Variants in RALGAPA2 observed in about 807,000 individuals in gnomAD.
RALGAPA2 encodes Ral GTPase activating protein catalytic subunit alpha 2.
In RALGAPA2, 139 loss-of-function variants were observed where a neutral mutation model predicts 230.4. That is an observed-to-expected ratio of 0.60 (90% CI 0.53 to 0.69). The LOEUF is 0.69. RALGAPA2 is among the 30% of genes least tolerant of loss of function. The pLI, the probability that RALGAPA2 is intolerant of heterozygous loss-of-function variation, is 0.00. For missense variants in RALGAPA2, 2,163 were observed against 2,276.0 expected (o/e 0.95, Z 1.01); for synonymous variants, 847 against 837.8 (o/e 1.01, Z -0.19).
At chr20:20,431,302 C>T (rs891364295) in intron 37 of RALGAPA2, among the ~76,000 whole-genome samples, 1 of 152,116 alleles carries the variant, frequency 6.6e-6, no homozygotes, top group African/African-American at 2.4e-5. Context: ...TGAGGGTAGA[C>T]AGCAGGCTGA....
At chr20:20,442,581 C>T (rs996836882) in intron 37 of RALGAPA2, among the ~76,000 whole-genome samples, 2 of 152,210 alleles carry the variant, frequency 1.3e-5, no homozygotes, top group Non-Finnish European at 2.9e-5. Context: ...TTTAGTTTTG[C>T]TCCCTGATCA....
chr20:20,515,690 G>A (rs897723649), intron 31 of RALGAPA2, among the ~76,000 whole-genome samples: 4 of 152,222 alleles, frequency 2.6e-5, no homozygotes, highest in South Asian at 4.1e-4. Flanking sequence ...AGCATGAACC[G>A]AGGGAAGCCA....
chr20:20,420,888 G>A (rs2060262312), intron 37 of RALGAPA2, among the ~76,000 whole-genome samples: 1 of 152,186 alleles, frequency 6.6e-6, no homozygotes, highest in Non-Finnish European at 1.5e-5. Context: ...ACAAAACTAG[G>A]AAATTAATTA....
At chr20:20,394,600 CA>C (rs1338866328) in intron 39 of RALGAPA2, among the ~76,000 whole-genome samples, 1 of 149,954 alleles carries the variant, frequency 6.7e-6, no homozygotes, top group Non-Finnish European at 1.5e-5. Context: ...CACTGCACTC[CA>C]GCTTAGGTGA....
In RALGAPA2 at chr20:20,437,825, A is replaced by G. The variant is rs2060647878; in HGVS notation, c.5496-25677T>C. Among the ~76,000 whole-genome samples, 1 of 152,072 alleles carries G rather than the reference A, an allele frequency of 6.6e-6. No homozygotes were observed. Among genetic ancestry groups the G allele is most frequent in the African/African-American group, 2.4e-5 (1 of 41,394 alleles). On this transcript the variant is annotated intron_variant, in intron 37 of 39. Transcript: ENST00000202677. The surrounding 1 kb of genome is among the most constrained non-coding windows in gnomAD (Gnocchi z 4.1). Reference sequence around the variant, plus strand: ...AGCTTGCTTGCTGTCAGCCTCTTCCACTGGAATGGAAGTTCCATGCGGGCA... The same window carrying G: ...AGCTTGCTTGCTGTCAGCCTCTTCCGCTGGAATGGAAGTTCCATGCGGGCA...
intron 20 of RALGAPA2, among the ~76,000 whole-genome samples, chr20:20,579,440 A>G (rs888110821): frequency 1.3e-5 from 2 of 152,286 alleles, no homozygotes; most frequent in South Asian, 2.1e-4. Flanking sequence ...AAGATGCTAG[A>G]TAACATTTCT....
intron 36 of RALGAPA2, among the ~76,000 whole-genome samples, chr20:20,480,697 G>A (rs903878178): frequency 1.3e-5 from 2 of 152,114 alleles, no homozygotes; most frequent in Non-Finnish European, 2.9e-5. Context: ...TGTACAAAGC[G>A]GATGCGGAAG....
intron 23 of RALGAPA2, among the ~76,000 whole-genome samples, chr20:20,556,753 GA>G (rs1568574825): frequency 6.6e-6 from 1 of 152,106 alleles, no homozygotes; most frequent in African/African-American, 2.4e-5. Flanking sequence ...AACTCCAAAA[GA>G]AAATCAGGCC....
At chr20:20,532,699 T>C (rs2063397551) in intron 26 of RALGAPA2, among the ~76,000 whole-genome samples, 3 of 152,012 alleles carry the variant, frequency 2.0e-5, no homozygotes, top group Admixed American at 2.0e-4. Flanking sequence ...AGCAAGAAGA[T>C]GGTATTTAAA....
chr20:20,441,055 C>T (rs1158040997), intron 37 of RALGAPA2, among the ~76,000 whole-genome samples: 1 of 152,228 alleles, frequency 6.6e-6, no homozygotes, highest in Non-Finnish European at 1.5e-5. Flanking sequence ...AATGCTTCTT[C>T]GGAATGGAGC....
At chr20:20,476,060 A>G (rs1161551374) in intron 36 of RALGAPA2, among the ~76,000 whole-genome samples, 1 of 152,188 alleles carries the variant, frequency 6.6e-6, no homozygotes, top group Non-Finnish European at 1.5e-5. Flanking sequence ...CCAAACAGTG[A>G]TGAGATAAAT....
intron 37 of RALGAPA2, among the ~76,000 whole-genome samples, chr20:20,469,530 G>A (rs1019036624): frequency 6.6e-6 from 1 of 152,218 alleles, no homozygotes; most frequent in Non-Finnish European, 1.5e-5. Context: ...AATGCTGATA[G>A]TTACAGCGAG....
chr20:20,463,748 A>G (rs1248874588), intron 37 of RALGAPA2, among the ~76,000 whole-genome samples: 6 of 152,230 alleles, frequency 3.9e-5, no homozygotes, highest in Non-Finnish European at 8.8e-5. Context: ...TGCTAAAGAA[A>G]TATTGTCATT....
At chr20:20,679,155 A>T (rs894540736) in intron 2 of RALGAPA2, among the ~76,000 whole-genome samples, 3 of 151,984 alleles carry the variant, frequency 2.0e-5, no homozygotes, top group African/African-American at 7.3e-5. Flanking sequence ...CAACACCTAC[A>T]CCAAGGTATC....
In RALGAPA2 at chr20:20,408,656, T is replaced by G. The variant is rs139674752; in HGVS notation, c.5617+3371A>C. Reference sequence around the variant, plus strand: ...AGGGTGCCCATTCCAGTTAACCCTTTCAAGGCCTCTCTGCCGGTCCCTCTT... The same window carrying G: ...AGGGTGCCCATTCCAGTTAACCCTTGCAAGGCCTCTCTGCCGGTCCCTCTT... On this transcript the variant is annotated intron_variant, in intron 38 of 39. Coordinates refer to ENST00000202677, the MANE Select transcript of RALGAPA2 (RefSeq NM_020343.4). Among the ~76,000 whole-genome samples the G allele has an allele frequency of 4.4e-3, 675 of 152,292 alleles. 5 individuals are homozygous for G. The highest frequency in any genetic ancestry group is 0.015 in the African/African-American group (628 of 41,554).
rs745515353 is a variant in RALGAPA2 at position 20,495,130 on chromosome 20, G to A, written c.5354C>T (p.Thr1785Met). 15 of 1,604,976 alleles carry A rather than the reference G, an allele frequency of 9.3e-6. No individual in the cohort carries two copies. Among genetic ancestry groups the A allele is most frequent in the South Asian group, 6.6e-5 (6 of 90,386 alleles). The change falls in exon 36 of 40, where the codon ACG becomes ATG. Residue 1785 changes from threonine to methionine, a missense_variant. Coordinates refer to ENST00000202677, the MANE Select transcript of RALGAPA2 (RefSeq NM_020343.4). ...ATGAAAACGTACCTCAGGTTTCTTC[G>A]TTATCGCGATGAAGAACATGTGATT... ...MKNHMFFIAI[T>M]KKPEVPFFGP... is the part of the protein sequence containing the mutation.
In RALGAPA2 at chr20:20,524,548, A is replaced by G; in HGVS notation, c.3763-5T>C. 2 of 1,613,896 alleles carry G rather than the reference A, an allele frequency of 1.2e-6. No homozygotes were observed. Among genetic ancestry groups the G allele is most frequent in the Non-Finnish European group, 1.7e-6 (2 of 1,179,834 alleles). The stretch of plus-strand genomic sequence containing the variant: ...GAGTAGCAAGGACACAATAAACTGG[A>G]AGAAGAACATGCCCGGTAGCTTATG... On this transcript the variant is annotated splice_polypyrimidine_tract_variant and splice_region_variant and intron_variant, in intron 29 of 39. Coordinates refer to ENST00000202677, the MANE Select transcript of RALGAPA2 (RefSeq NM_020343.4).
chr20:20,579,172 A>C (rs2064909557), intron 20 of RALGAPA2, among the ~76,000 whole-genome samples: 1 of 152,240 alleles, frequency 6.6e-6, no homozygotes, highest in Non-Finnish European at 1.5e-5. Flanking sequence ...ACCACACTAA[A>C]TAAAAGAGAT....
intron 15 of RALGAPA2, among the ~76,000 whole-genome samples, chr20:20,602,218 C>G (rs2065675760): frequency 6.6e-6 from 1 of 152,176 alleles, no homozygotes; most frequent in Non-Finnish European, 1.5e-5. Context: ...ACCAAAAACT[C>G]AGAGATCCTG....
Sources: allele counts gnomAD v4.1 joint callset (sites outside exome capture counted in the v4.1 genomes callset), GRCh38; gene constraint gnomAD v4.1.1; non-coding constraint Gnocchi (gnomAD v3.1); transcripts MANE v1.5; gene names NCBI Gene and HGNC (gene_info 2026-07-23, HGNC 2026-07-21).